The following AHI1 variants were observed in gnomAD, a reference collection of about 807,000 sequenced individuals.
The protein encoded by AHI1 is Abelson helper integration site 1.
A neutral mutation model predicts 149.3 loss-of-function variants in AHI1; 123 were observed. The ratio of observed to expected loss-of-function variants is 0.82; its 90% CI spans 0.71 to 0.96. The LOEUF is 0.96. Ranked by LOEUF, AHI1 falls within the 40% of genes least tolerant of loss-of-function variation. The pLI is 0.00. For missense variants in AHI1, 1,439 were observed against 1,422.7 expected, an observed-to-expected ratio of 1.01 and a Z score of -0.18; for synonymous variants, 475 against 459.8, an observed-to-expected ratio of 1.03 and a Z score of -0.42.
intron 24 of AHI1, among the ~76,000 whole-genome samples, chr6:135,345,113 T>C (rs963476973): frequency 1.3e-5 from 2 of 152,152 alleles, no homozygotes; most frequent in African/African-American, 4.8e-5. Context: ...CACTGGGAAA[T>C]GCAAATGAAA....
chr6:135,415,998 C>A (rs1782318712), intron 20 of AHI1, among the ~76,000 whole-genome samples: 3 of 152,020 alleles, frequency 2.0e-5, no homozygotes, highest in African/African-American at 7.2e-5. Context: ...GAGGAAGGAA[C>A]AGAACACAAA....
intron 5 of AHI1, among the ~76,000 whole-genome samples, chr6:135,474,205 A>G (rs2128109846): frequency 6.6e-6 from 1 of 152,332 alleles, no homozygotes; most frequent in African/African-American, 2.4e-5. Context: ...CATCATAAGA[A>G]CCACCTGTAA....
At chr6:135,431,361 T>G (rs982952164) in intron 16 of AHI1, 47 bp from the exon 17 acceptor site, 1 of 1,181,172 alleles carries the variant, frequency 8.5e-7, no homozygotes, top group Non-Finnish European at 1.2e-6. Context: ...CACACAGAGT[T>G]AGAAACAAAT....
chr6:135,401,075 A>G (rs924540673), intron 22 of AHI1, among the ~76,000 whole-genome samples: 1 of 152,110 alleles, frequency 6.6e-6, no homozygotes, highest in African/African-American at 2.4e-5. Context: ...TCACTACACT[A>G]CTTAAGCAAA....
At position 135,496,451 on chromosome 6, in the gene AHI1, T is replaced by C. The variant is rs958971742; in HGVS notation, c.-139-553A>G. On this transcript the variant is annotated intron_variant, in intron 2 of 28. Transcript: ENST00000265602. The stretch of plus-strand genomic sequence containing the variant: ...ATCTTAATATGTACTACAGCAAACA[T>C]GATAGAATTAACGGCTAATATTTGA... 3.9e-5 allele frequency among the ~76,000 whole-genome samples: 6 copies of C among 152,248 alleles called. No individual in the cohort carries two copies. In the East Asian group the frequency reaches 1.2e-3, roughly 29 times the overall value.
At chr6:135,468,360 A>G (rs1583389582) in intron 5 of AHI1, among the ~76,000 whole-genome samples, 2 of 152,184 alleles carry the variant, frequency 1.3e-5, no homozygotes, top group African/African-American at 4.8e-5. Flanking sequence ...ACAAGAAATA[A>G]CCAAGATCAG....
chr6:135,457,139 C>T (rs149248730), intron 9 of AHI1, among the ~76,000 whole-genome samples: 2 of 152,072 alleles, frequency 1.3e-5, no homozygotes, highest in African/African-American at 2.4e-5. Context: ...CAAAAATTAG[C>T]CAGGAGTGGT....
chr6:135,449,678 C>G (rs1787795669), intron 11 of AHI1, among the ~76,000 whole-genome samples: 1 of 151,928 alleles, frequency 6.6e-6, no homozygotes, highest in Admixed American at 6.5e-5. Context: ...ACTTATGTAA[C>G]TTGGAAAGTA....
rs371303979 is a variant in AHI1, at chr6:135,346,299, A to G, written c.3165+11833T>C. Among the ~76,000 whole-genome samples the G allele has an allele frequency of 8.5e-5, 13 of 152,124 alleles. No homozygotes were observed. The East Asian group carries it at 2.5e-3, about 29-fold the overall frequency. On this transcript the variant is annotated intron_variant, in intron 24 of 28. Coordinates refer to ENST00000265602, the MANE Select transcript of AHI1 (RefSeq NM_001134831.2). ...AAGCTCCACCTCCCGGGTTCACGCC[A>G]TTTTCCTGCCTCACCCTCCCGAGTA...
At chr6:135,362,045 T>C (rs1251232544) in intron 23 of AHI1, among the ~76,000 whole-genome samples, 1 of 152,260 alleles carries the variant, frequency 6.6e-6, no homozygotes, top group Non-Finnish European at 1.5e-5. Context: ...TCCAATTCTA[T>C]CCAGGTTGCT....
chr6:135,428,709 T>A lies in AHI1; in HGVS notation c.2543A>T (p.His848Leu). 1 of 1,608,362 alleles carries A rather than the reference T, an allele frequency of 6.2e-7. No individual in the cohort carries two copies. Among genetic ancestry groups the A allele is most frequent in the Non-Finnish European group, 8.5e-7 (1 of 1,176,640 alleles). Residue 848 changes from histidine to leucine, a missense_variant, in exon 19 of 29, where the codon CAT becomes CTT. Transcript: ENST00000265602. ...VGAANYREKI[H>L]STLTPCGTFL... ...AGTCCCACATGGAGTCAAAGTACTA[T>A]GAATCTTCTCCCGATAATTTGCTGC... is the stretch of plus-strand genomic sequence containing the variant.
chr6:135,494,324 C>T (rs1241653829), intron 3 of AHI1, among the ~76,000 whole-genome samples: 1 of 152,174 alleles, frequency 6.6e-6, no homozygotes, highest in East Asian at 1.9e-4. Flanking sequence ...TAAATGTTAG[C>T]TATAACTGTA....
intron 13 of AHI1, among the ~76,000 whole-genome samples, chr6:135,445,356 C>T (rs1273323664): frequency 6.6e-6 from 1 of 152,232 alleles, no homozygotes; most frequent in Non-Finnish European, 1.5e-5. Flanking sequence ...ATTGTATCAG[C>T]AATGCTTCTT....
chr6:135,419,941 G>A (rs1332482190), intron 20 of AHI1, among the ~76,000 whole-genome samples: 1 of 152,092 alleles, frequency 6.6e-6, no homozygotes, highest in Non-Finnish European at 1.5e-5. Context: ...TCTCAACAAT[G>A]TTCACAGCGT....
chr6:135,351,291 T>A (rs1465416052), intron 24 of AHI1, among the ~76,000 whole-genome samples: 2 of 152,206 alleles, frequency 1.3e-5, no homozygotes, highest in Admixed American at 6.5e-5. Context: ...GTTTTACTTC[T>A]CAAGCTTGAA....
In AHI1 at chr6:135,394,761, A is replaced by G; in HGVS notation, c.3109+15T>C. ...GAACATTTAAAAGAATTGTCAAAGT[A>G]AGAAAGGGGCTCACCGGTCTGAGTG... On this transcript the variant is annotated intron_variant, in intron 23 of 28. Coordinates refer to ENST00000265602, the MANE Select transcript of AHI1 (RefSeq NM_001134831.2). 1.2e-6 allele frequency: 2 copies of G among 1,609,546 alleles called. No homozygotes were observed. The highest frequency in any genetic ancestry group is 1.7e-6 in the Non-Finnish European group (2 of 1,177,432).
intron 17 of AHI1, 37 bp from the exon 18 acceptor site, chr6:135,430,037 T>C (rs779564516): frequency 5.7e-6 from 7 of 1,225,880 alleles, no homozygotes; most frequent in Non-Finnish European, 8.0e-6. Context: ...ACTGAAAAGT[T>C]TGTCTAATGT....
chr6:135,492,664 C>T, intron 3 of AHI1: 1 of 985,348 alleles, frequency 1.0e-6, no homozygotes, highest in South Asian at 4.7e-5. Context: ...ATTGACTTTC[C>T]TAAGAGCATT....
intron 20 of AHI1, among the ~76,000 whole-genome samples, chr6:135,425,917 G>T (rs1783852115): frequency 6.6e-6 from 1 of 151,750 alleles, no homozygotes; most frequent in Non-Finnish European, 1.5e-5. Context: ...AAATTTCAAA[G>T]GCATAAAAAG....
Sources: gnomAD v4.1 joint callset for allele counts (sites outside exome capture counted in the v4.1 genomes callset) on GRCh38, gnomAD v4.1.1 for gene constraint, MANE v1.5 for transcripts, NCBI Gene and HGNC (gene_info 2026-07-23, HGNC 2026-07-21) for gene names.